Variants in KLRG1 observed in about 807,000 individuals in gnomAD.
The protein encoded by KLRG1 is killer cell lectin-like receptor subfamily G member 1.
A neutral mutation model predicts 21.8 loss-of-function variants in KLRG1; 16 were observed. The observed-to-expected ratio is 0.73, with a 90% CI of 0.50 to 1.11. The LOEUF is 1.11. Among genes scored for constraint, KLRG1 ranks in the 50% most tolerant of loss-of-function variants. The probability of loss-of-function intolerance (pLI) is 0.00; values close to 1 mark genes in which losing one functional copy is unlikely to be tolerated. For synonymous variants in KLRG1, 69 were observed against 75.9 expected (o/e 0.91, Z 0.47); for missense variants, 173 against 218.3 (o/e 0.79, Z 1.31).
At chr12:8,992,450 C>A in intron 2 of KLRG1, 140 bp downstream of exon 2, 1 of 573,950 alleles carries the variant, frequency 1.7e-6, no homozygotes, top group Non-Finnish European at 3.0e-6. Flanking sequence ...CTGGGTATAG[C>A]CTTTGACCAT....
At chr12:9,203,748 G>A in the KLRG1 span, 4 of 1,613,520 alleles carry the variant, frequency 2.5e-6, no homozygotes, top group Non-Finnish European at 2.5e-6. Context: ...GGGATAGCCA[G>A]CTGGCACCGT....
intron 1 of KLRG1, among the ~76,000 whole-genome samples, chr12:8,984,253 A>G (rs910380706): frequency 6.6e-6 from 1 of 152,104 alleles, no homozygotes; most frequent in Non-Finnish European, 1.5e-5. Flanking sequence ...CCTAGGCTGG[A>G]GTGCCGTAGT....
the KLRG1 span, among the ~76,000 whole-genome samples, chr12:9,081,283 T>C: frequency 6.6e-6 from 1 of 152,176 alleles, no homozygotes; most frequent in Non-Finnish European, 1.5e-5. Flanking sequence ...GCAAAATTTT[T>C]TTTTCTAAAT....
chr12:9,105,644 G>A, the KLRG1 span, among the ~76,000 whole-genome samples: 1 of 152,050 alleles, frequency 6.6e-6, no homozygotes, highest in Admixed American at 6.5e-5. Flanking sequence ...GATTTTTTTG[G>A]TAGATAACAT....
the KLRG1 span, among the ~76,000 whole-genome samples, chr12:9,050,905 A>C: frequency 1.3e-5 from 2 of 152,106 alleles, no homozygotes; most frequent in Non-Finnish European, 2.9e-5. Context: ...TGCTCCTGGC[A>C]CTGGCTTGGA....
At chr12:9,029,412 C>T in the KLRG1 span, among the ~76,000 whole-genome samples, 1 of 152,004 alleles carries the variant, frequency 6.6e-6, no homozygotes, top group Non-Finnish European at 1.5e-5. Context: ...GACAGGGTTT[C>T]ACCATGTTGG....
At chr12:9,185,817 T>TTC in the KLRG1 span, among the ~76,000 whole-genome samples, 1 of 149,114 alleles carries the variant, frequency 6.7e-6, no homozygotes. Context: ...TTCTTTTCTT[T>TTC]TTTTTTTTCT....
chr12:9,157,102 C>T, the KLRG1 span: 3 of 1,439,676 alleles, frequency 2.1e-6, no homozygotes, highest in Non-Finnish European at 2.9e-6. Context: ...CCAGACAGGC[C>T]CCAATGTGTG....
At chr12:8,981,695 G>A (rs1157451074) in intron 1 of KLRG1, among the ~76,000 whole-genome samples, 10 of 152,144 alleles carry the variant, frequency 6.6e-5, no homozygotes, top group Admixed American at 1.3e-4. Context: ...ACCTAAAAAC[G>A]TGTATTCTTT....
At chr12:9,195,750 G>A in the KLRG1 span, among the ~76,000 whole-genome samples, 2 of 149,820 alleles carry the variant, frequency 1.3e-5, no homozygotes, top group Non-Finnish European at 3.0e-5. Context: ...CACTATGCCT[G>A]GCCAAATGTC....
the KLRG1 span, among the ~76,000 whole-genome samples, chr12:9,179,428 G>A: frequency 5.3e-5 from 8 of 152,076 alleles, no homozygotes; most frequent in East Asian, 7.7e-4. Context: ...AAATCATCAC[G>A]ACATGCCAAG....
chr12:9,068,810 C>T, the KLRG1 span: 39 of 1,607,350 alleles, frequency 2.4e-5, no homozygotes, highest in East Asian at 1.8e-4. Flanking sequence ...CTTGCAGAAC[C>T]GTGAAGAACA....
chr12:9,088,250 G>T, the KLRG1 span, among the ~76,000 whole-genome samples: 1 of 132,220 alleles, frequency 7.6e-6, no homozygotes, highest in African/African-American at 3.0e-5. Context: ...TTAATGTGAT[G>T]TTCTGTTTTT....
At chr12:9,180,929 G>T in the KLRG1 span, 7 of 1,559,600 alleles carry the variant, frequency 4.5e-6, no homozygotes, top group Non-Finnish European at 6.0e-6. Flanking sequence ...GAGGCTTCTT[G>T]ATCTGAGCCT....
intron 3 of KLRG1, among the ~76,000 whole-genome samples, chr12:9,002,900 C>G (rs1318375247): frequency 2.4e-5 from 3 of 125,654 alleles, no homozygotes; most frequent in Non-Finnish European, 3.3e-5. Context: ...TATATTCTCT[C>G]TCTTTCTAAT....
chr12:8,962,018 G>A (rs1946390018), intron 1 of KLRG1, among the ~76,000 whole-genome samples: 1 of 152,094 alleles, frequency 6.6e-6, no homozygotes, highest in African/African-American at 2.4e-5. Flanking sequence ...GCCAGGAGGT[G>A]GAGGTTATAG....
At chr12:8,982,670 A>C (rs1037065811) in intron 1 of KLRG1, among the ~76,000 whole-genome samples, 1 of 100,732 alleles carries the variant, frequency 9.9e-6, no homozygotes, top group East Asian at 3.0e-4. Flanking sequence ...TTTGAGATGG[A>C]GTTTCATTCT....
chr12:8,983,283 C>T (rs1245340686), intron 1 of KLRG1, among the ~76,000 whole-genome samples: 1 of 151,278 alleles, frequency 6.6e-6, no homozygotes, highest in African/African-American at 2.4e-5. Flanking sequence ...CTGGACTGCT[C>T]ATGACAAATT....
At chr12:9,123,098 C>G in the KLRG1 span, among the ~76,000 whole-genome samples, 1 of 151,990 alleles carries the variant, frequency 6.6e-6, no homozygotes, top group Non-Finnish European at 1.5e-5. Context: ...TATCTTGTTA[C>G]TGGTACAAAT....
Sources: allele counts gnomAD v4.1 joint callset (sites outside exome capture counted in the v4.1 genomes callset), GRCh38; gene constraint gnomAD v4.1.1; transcripts MANE v1.5; gene names NCBI Gene and HGNC (gene_info 2026-07-23, HGNC 2026-07-21).